The following KIF18A variants were observed in gnomAD, a reference collection of about 807,000 sequenced individuals.
KIF18A encodes the protein kinesin-like protein KIF18A.
In KIF18A, 67 loss-of-function variants were observed where a neutral mutation model predicts 103.3. The observed-to-expected ratio is 0.65, with a 90% CI of 0.53 to 0.79. The LOEUF (loss-of-function observed/expected upper bound fraction) is 0.79, where lower values mean the gene tolerates loss of function less well. Among genes scored for constraint, KIF18A ranks in the 30% least tolerant of loss-of-function variants. KIF18A has a pLI of 0.00. For synonymous variants in KIF18A, 367 were observed against 355.5 expected, an observed-to-expected ratio of 1.03 and a Z score of -0.36; for missense variants, 1,032 against 1,062.5, an observed-to-expected ratio of 0.97 and a Z score of 0.40.
At chr11:28,097,583 A>G in intron 2 of KIF18A, 40 bp downstream of exon 2, 1 of 1,306,502 alleles carries the variant, frequency 7.7e-7, no homozygotes, top group South Asian at 1.2e-5. Context: ...GCAAAAGTGA[A>G]ATCGGATAGA....
At chr11:28,038,842 C>A (rs534034608) in intron 13 of KIF18A, among the ~76,000 whole-genome samples, 3 of 151,814 alleles carry the variant, frequency 2.0e-5, no homozygotes, top group East Asian at 3.9e-4. Context: ...TGACATTTGT[C>A]AAATTTTCCA....
chr11:28,062,377 G>T lies in KIF18A; in HGVS notation c.1712+18C>A. 1 of 1,576,814 alleles carries T rather than the reference G, an allele frequency of 6.3e-7. No homozygotes were observed. Among genetic ancestry groups the T allele is most frequent in the South Asian group, 1.2e-5 (1 of 83,252 alleles). ...ATATAGTGTTAAAATTGGAAAATAG[G>T]TAAATGTATGTACTCACGCTTCAGT... is the stretch of plus-strand genomic sequence containing the variant. On this transcript the variant is annotated intron_variant, in intron 12 of 16. Transcript: ENST00000263181.
intron 1 of KIF18A, among the ~76,000 whole-genome samples, chr11:28,106,585 G>A (rs1295823732): frequency 1.3e-5 from 2 of 148,366 alleles, no homozygotes; most frequent in Middle Eastern, 3.2e-3. Context: ...CATTTTTATC[G>A]TGTCTCTTAA....
chr11:28,052,833 T>G (rs1329691199), intron 13 of KIF18A, among the ~76,000 whole-genome samples: 1 of 152,072 alleles, frequency 6.6e-6, no homozygotes, highest in Non-Finnish European at 1.5e-5. Flanking sequence ...AACCTACACT[T>G]AAGATCTTGT....
intron 10 of KIF18A, among the ~76,000 whole-genome samples, chr11:28,073,683 G>A (rs568766063): frequency 9.2e-5 from 14 of 152,076 alleles, no homozygotes; most frequent in Admixed American, 2.6e-4. Context: ...GGCAAATAGC[G>A]TTCAATATCA....
At chr11:28,058,594 G>A (rs1254962357) in intron 13 of KIF18A, among the ~76,000 whole-genome samples, 11 of 145,426 alleles carry the variant, frequency 7.6e-5, no homozygotes, top group Non-Finnish European at 1.6e-4. Context: ...CCCAGGAGGT[G>A]GAGGCTGCAG....
Position 28,024,158 on chromosome 11 carries a change from TG to T in KIF18A, c.2505-309del, listed in dbSNP as rs756345722. Among the ~76,000 whole-genome samples, 18 of 134,918 alleles carry T rather than the reference TG, an allele frequency of 1.3e-4. 1 individual carries two copies. The highest frequency in any genetic ancestry group is 1.1e-3 in the South Asian group (5 of 4,476). The allele number at this position is 134,918 out of a possible 152,430, so 88.5% of individuals were successfully genotyped here. ...GATAAGTAAGCACTATTATTCAAAA[TG>T]TAGAGATCAGTAGCACATAGTCACA... On this transcript the variant is annotated intron_variant, in intron 15 of 16. Coordinates refer to ENST00000263181, the MANE Select transcript of KIF18A (RefSeq NM_031217.4).
intron 15 of KIF18A, among the ~76,000 whole-genome samples, chr11:28,028,450 G>A (rs907535813): frequency 2.0e-5 from 3 of 152,018 alleles, no homozygotes; most frequent in African/African-American, 7.2e-5. Context: ...ACGAAATGAA[G>A]GCAGAAATAA....
At position 28,097,632 on chromosome 11, in the gene KIF18A, T is replaced by C. The variant is rs745942175; in HGVS notation, c.316A>G (p.Asn106Asp). The stretch of plus-strand genomic sequence containing the variant: ...AAATTGAAACAAATACCTGTGCAAT[T>C]ATATCCATTCAAAAAACTACGAAGA... The part of the protein sequence containing the change: ...PILRSFLNGY[N>D]CTVLAYGATG... The change falls in exon 2 of 17, where the codon AAT (asparagine) becomes GAT (aspartate). Residue 106 changes from asparagine (N) to aspartate (D), a missense_variant. Physicochemically the swap from Asn to Asp is conservative, Grantham distance 23. Transcript: ENST00000263181. The C allele has an allele frequency of 1.9e-6, 3 of 1,592,366 alleles. No individual in the cohort carries two copies. The highest frequency in any genetic ancestry group is 4.5e-5 in the East Asian group (2 of 44,676).
At chr11:28,100,343 A>G (rs1327871854) in intron 1 of KIF18A, among the ~76,000 whole-genome samples, 1 of 152,084 alleles carries the variant, frequency 6.6e-6, no homozygotes, top group African/African-American at 2.4e-5. Context: ...AACTTTCGGG[A>G]AATCCTAAAT....
At chr11:28,045,060 C>G (rs1421964474) in intron 13 of KIF18A, among the ~76,000 whole-genome samples, 1 of 151,906 alleles carries the variant, frequency 6.6e-6, no homozygotes, top group Non-Finnish European at 1.5e-5. Flanking sequence ...CACTATCTCT[C>G]AAATGTGTAG....
chr11:28,056,644 A>G (rs557923829), intron 13 of KIF18A, among the ~76,000 whole-genome samples: 1 of 152,012 alleles, frequency 6.6e-6, no homozygotes, highest in Non-Finnish European at 1.5e-5. Flanking sequence ...AAAGTCAACT[A>G]GGCATAACAT....
At chr11:28,089,235 C>A (rs1201930318) in intron 5 of KIF18A, among the ~76,000 whole-genome samples, 3 of 152,156 alleles carry the variant, frequency 2.0e-5, no homozygotes, top group Non-Finnish European at 4.4e-5. Flanking sequence ...ATAGTACAGT[C>A]TTGCATCACT....
At chr11:28,039,138 T>C (rs1850529080) in intron 13 of KIF18A, among the ~76,000 whole-genome samples, 1 of 151,704 alleles carries the variant, frequency 6.6e-6, no homozygotes, top group African/African-American at 2.4e-5. Flanking sequence ...AAAGCGGATA[T>C]TACCTTTTTA....
chr11:28,097,900 A>T lies in KIF18A; in HGVS notation c.48T>A (p.Val16=). The part of the protein sequence containing the change: ...EDLCHHMKVV[V]RVRPENTKEK... ...CTTTAGTGTTTTCCGGACGTACACGAACTACTACTTTCATATGGTGGCACA... is the reference window on the plus strand; with the variant it reads ...CTTTAGTGTTTTCCGGACGTACACGTACTACTACTTTCATATGGTGGCACA... The change falls in exon 2 of 17, where the codon GTT becomes GTA. Residue 16 remains valine (V), a synonymous_variant. Transcript: ENST00000263181. The T allele has an allele frequency of 2.5e-6, 4 of 1,605,330 alleles. No homozygotes were observed. Among genetic ancestry groups the T allele is most frequent in the Non-Finnish European group, 3.4e-6 (4 of 1,176,690 alleles).
At position 28,057,854 on chromosome 11, in the gene KIF18A, C is replaced by T. The variant is rs555472633; in HGVS notation, c.1948+1072G>A. ...CAATAAAAAAATGAGGTAGATTCTT[C>T]ATGTATGCACCCTAAAAATGTTCAT... On this transcript the variant is annotated intron_variant, in intron 13 of 16. Coordinates refer to ENST00000263181, the MANE Select transcript of KIF18A (RefSeq NM_031217.4). Among the ~76,000 whole-genome samples the T allele has an allele frequency of 1.1e-4, 16 of 152,240 alleles. No homozygotes were observed. The South Asian group carries it at 2.9e-3, about 28-fold the overall frequency.
chr11:28,070,951 G>C (rs1443067126), intron 10 of KIF18A, among the ~76,000 whole-genome samples: 2 of 152,218 alleles, frequency 1.3e-5, no homozygotes, highest in South Asian at 4.1e-4. Context: ...GTGGGGTGGA[G>C]GGGCTGATGT....
At chr11:28,096,574 A>C (rs1389512549) in intron 2 of KIF18A, among the ~76,000 whole-genome samples, 4 of 152,190 alleles carry the variant, frequency 2.6e-5, no homozygotes, top group Non-Finnish European at 4.4e-5. Context: ...GAAGATTTCA[A>C]AATCTCTAGA....
chr11:28,090,721 A>C lies in KIF18A; in HGVS notation c.595T>G (p.Ser199Ala). ...VHGLTLHQPKSSEEILHLLDN... is the reference protein window; with the variant it reads ...VHGLTLHQPKASEEILHLLDN... ...AATAAATGTAAAATTTCTTCTGAGG[A>C]TTTGGGCTGGAGAAGTTTAAGTAGA... The change falls in exon 5 of 17, where the codon TCC becomes GCC. Residue 199 changes from serine to alanine, a missense_variant. Coordinates refer to ENST00000263181, the MANE Select transcript of KIF18A (RefSeq NM_031217.4). 6.3e-7 allele frequency: 1 copy of C among 1,584,064 alleles called. No individual in the cohort carries two copies. Among genetic ancestry groups the C allele is most frequent in the Non-Finnish European group, 8.7e-7 (1 of 1,154,444 alleles).
Sources: gnomAD v4.1 joint callset for allele counts (sites outside exome capture counted in the v4.1 genomes callset) on GRCh38, gnomAD v4.1.1 for gene constraint, MANE v1.5 for transcripts, NCBI Gene and HGNC (gene_info 2026-07-23, HGNC 2026-07-21) for gene names.